The following TMPRSS9 variants were observed in gnomAD, a reference collection of about 807,000 sequenced individuals.
TMPRSS9 encodes the protein transmembrane serine protease 9.
In TMPRSS9, 113 loss-of-function variants were observed where a neutral mutation model predicts 111.4. The observed-to-expected ratio is 1.01, with a 90% CI of 0.87 to 1.19. The LOEUF (loss-of-function observed/expected upper bound fraction) is 1.19, where lower values mean the gene tolerates loss of function less well. Among genes scored for constraint, TMPRSS9 ranks in the 50% most tolerant of loss-of-function variants. The pLI, the probability that TMPRSS9 is intolerant of heterozygous loss-of-function variation, is 0.00. For synonymous variants in TMPRSS9, 805 were observed against 659.1 expected (o/e 1.22, Z -3.39); for missense variants, 1,803 against 1,513.1 (o/e 1.19, Z -3.18).
intron 1 of TMPRSS9, among the ~76,000 whole-genome samples, chr19:2,372,771 A>G (rs1020790516): frequency 6.6e-6 from 1 of 152,124 alleles, no homozygotes; most frequent in South Asian, 2.1e-4. Flanking sequence ...CAGACTTTGC[A>G]GCTTAGTAAG....
exon 2 of TMPRSS9, chr19:2,396,652 A>G (rs756263159): frequency 5.6e-6 from 9 of 1,608,188 alleles, no homozygotes; most frequent in Non-Finnish European, 7.6e-6. Context: ...GCTGACGCCC[A>G]CCCTGGAGGC....
rs1052719036 is a variant in TMPRSS9 at position 2,365,193 on chromosome 19, G to A, written c.-26+4833G>A. Among the ~76,000 whole-genome samples the A allele has an allele frequency of 2.6e-5, 4 of 151,916 alleles. No individual in the cohort carries two copies. In the South Asian group the frequency reaches 6.2e-4, roughly 24 times the overall value. On this transcript the variant is annotated intron_variant, in intron 1 of 17. Transcript: ENST00000649857. ...CTTAGTATCACTCATGTTTATCGGC[G>A]TCTTCCCTCCCACACGATTACTGAC...
intron 7 of TMPRSS9, among the ~76,000 whole-genome samples, chr19:2,407,941 G>A (rs1420694313): frequency 6.6e-6 from 1 of 151,846 alleles, no homozygotes; most frequent in East Asian, 1.9e-4. Flanking sequence ...CCATCACTAT[G>A]CCCGGCTAAT....
chr19:2,367,483 C>T (rs941416091), intron 1 of TMPRSS9, among the ~76,000 whole-genome samples: 9 of 152,118 alleles, frequency 5.9e-5, no homozygotes, highest in African/African-American at 2.2e-4. Context: ...CAACCTCTGC[C>T]TCCTGGGTTC....
At chr19:2,386,523 A>AAAACCAAAT (rs1367560095), upstream of TMPRSS9, among the ~76,000 whole-genome samples, 4 of 151,994 alleles carry the variant, frequency 2.6e-5, no homozygotes, top group Non-Finnish European at 5.9e-5. Flanking sequence ...AAAAACCAAA[A>AAAACCAAAT]AAACAAAGAT....
At chr19:2,388,094 C>T (rs755841867), upstream of TMPRSS9, among the ~76,000 whole-genome samples, 5 of 152,112 alleles carry the variant, frequency 3.3e-5, no homozygotes, top group South Asian at 2.1e-4. Context: ...CACCTCCCTT[C>T]GAAAGCTGGC....
intron 11 of TMPRSS9, chr19:2,416,121 C>T (rs1124474): frequency 0.055 from 23,939 of 437,132 alleles, 1,758 homozygotes; most frequent in East Asian, 0.31. Context: ...CATCTGTGGT[C>T]CCAGCTACTC....
intron 7 of TMPRSS9, among the ~76,000 whole-genome samples, 173 bp downstream of exon 8, chr19:2,405,718 T>C (rs1307399100): frequency 6.6e-6 from 1 of 151,554 alleles, no homozygotes; most frequent in African/African-American, 2.4e-5. Flanking sequence ...TTTTTTTTTT[T>C]TTTTTGAGAC....
chr19:2,399,887 C>A (rs1186255412), intron 4 of TMPRSS9, among the ~76,000 whole-genome samples: 1 of 152,066 alleles, frequency 6.6e-6, no homozygotes, highest in African/African-American at 2.4e-5. Flanking sequence ...CGCACCACCA[C>A]GCCTGGCTAA....
chr19:2,360,641 G>A (rs1970186917), intron 1 of TMPRSS9, among the ~76,000 whole-genome samples: 1 of 152,008 alleles, frequency 6.6e-6, no homozygotes, highest in African/African-American at 2.4e-5. Context: ...TGTGGCCGGG[G>A]TTGTGTGGAC....
intron 8 of TMPRSS9, among the ~76,000 whole-genome samples, chr19:2,410,053 T>C (rs1242717401): frequency 6.6e-6 from 1 of 152,058 alleles, no homozygotes; most frequent in Non-Finnish European, 1.5e-5. Flanking sequence ...TTAAGTCTGA[T>C]GCCTCTTCCT....
In TMPRSS9 at chr19:2,403,979, G is replaced by T. The variant is rs796459256; in HGVS notation, c.670+784G>T. Among the ~76,000 whole-genome samples, 5 of 137,248 alleles carry T rather than the reference G, an allele frequency of 3.6e-5. 1 individual carries two copies. In the South Asian group the frequency reaches 1.2e-3, roughly 32 times the overall value. The allele number at this position is 137,248 out of a possible 152,430, so 90.0% of individuals were successfully genotyped here. ...CTGCACTCCAGCCTGGCAACAGAGC[G>T]AGACTCTGTCTCAAAAAAAAAAAAA... is the stretch of plus-strand genomic sequence containing the variant. On this transcript the variant is annotated intron_variant, in intron 6 of 17. Coordinates refer to ENST00000648592, the Ensembl canonical transcript of TMPRSS9.
chr19:2,379,199 T>G (rs1203958304), intron 1 of TMPRSS9, among the ~76,000 whole-genome samples: 1 of 146,880 alleles, frequency 6.8e-6, no homozygotes. Context: ...TTTTTTTTTT[T>G]TTTTGAGACA....
At chr19:2,421,287 A>G (rs1971456807) in intron 13 of TMPRSS9, among the ~76,000 whole-genome samples, 1 of 149,284 alleles carries the variant, frequency 6.7e-6, no homozygotes, top group Non-Finnish European at 1.5e-5. Context: ...TATTGTTGTT[A>G]TTTATTTATT....
chr19:2,393,063 CA>C (rs747450493), intron 1 of TMPRSS9, among the ~76,000 whole-genome samples: 26 of 152,088 alleles, frequency 1.7e-4, no homozygotes, highest in Admixed American at 5.9e-4. Context: ...TAAAATGGAC[CA>C]ATCAGCGCTC....
intron 1 of TMPRSS9, among the ~76,000 whole-genome samples, chr19:2,361,163 G>A (rs1295534151): frequency 1.0e-5 from 1 of 99,804 alleles, no homozygotes; most frequent in Non-Finnish European, 2.1e-5. Flanking sequence ...TGGGAGGTGA[G>A]TCTGGGGTGT....
At chr19:2,411,445 T>G (rs547494835) in intron 9 of TMPRSS9, among the ~76,000 whole-genome samples, 43 of 138,624 alleles carry the variant, frequency 3.1e-4, no homozygotes, top group African/African-American at 1.1e-3. Context: ...TCACCCAGGC[T>G]GGAGTGCAGT....
intron 1 of TMPRSS9, among the ~76,000 whole-genome samples, chr19:2,361,437 C>G (rs576786018): frequency 6.6e-6 from 1 of 151,686 alleles, no homozygotes; most frequent in Non-Finnish European, 1.5e-5. Context: ...CCTCTCCTCC[C>G]GCCCCAGTTC....
chr19:2,391,389 T>A lies in TMPRSS9; in HGVS notation c.142+1462T>A, dbSNP rs567732900. 1.6e-3 allele frequency among the ~76,000 whole-genome samples: 222 copies of A among 135,164 alleles called. 1 individual carries two copies. The highest frequency in any genetic ancestry group is 5.7e-3 in the African/African-American group (213 of 37,164). 88.7% of individuals were successfully genotyped at this position (135,164 alleles called of 152,430 possible). Reference sequence around the variant, plus strand: ...TTTTTTTTTTCTTTTTTCTTTTTTTTAAAAAATATTTGTGGAACTTCTGGA... The same window carrying A: ...TTTTTTTTTTCTTTTTTCTTTTTTTAAAAAAATATTTGTGGAACTTCTGGA... On this transcript the variant is annotated intron_variant, in intron 1 of 17. Transcript: ENST00000648592.
Sources: allele counts gnomAD v4.1 joint callset (sites outside exome capture counted in the v4.1 genomes callset), GRCh38; gene constraint gnomAD v4.1.1; transcripts MANE v1.5; gene names NCBI Gene and HGNC (gene_info 2026-07-23, HGNC 2026-07-21).